Variants in RRP15 observed in about 807,000 individuals in gnomAD.
RRP15 encodes RRP15-like protein.
In RRP15, 18 loss-of-function variants were observed where a neutral mutation model predicts 27.1. The ratio of observed to expected loss-of-function variants is 0.66; its 90% CI spans 0.46 to 0.98. RRP15 has a LOEUF of 0.98. Among genes scored for constraint, RRP15 ranks in the 50% least tolerant of loss-of-function variants. RRP15 has a pLI of 0.00. For missense variants in RRP15, 359 were observed against 337.8 expected (o/e 1.06, Z -0.49); for synonymous variants, 107 against 109.4 (o/e 0.98, Z 0.14).
intron 1 of RRP15, among the ~76,000 whole-genome samples, 191 bp downstream of exon 1, chr1:218,285,646 AT>A (rs1655533875): frequency 6.6e-6 from 1 of 152,218 alleles, no homozygotes. Flanking sequence ...GTCAACTGTA[AT>A]TTTGAGTTTC....
At chr1:218,302,197 TG>T in intron 1 of RRP15, 96 bp from the exon 2 acceptor site, 2 of 868,086 alleles carry the variant, frequency 2.3e-6, no homozygotes, top group Non-Finnish European at 3.7e-6. Context: ...CTTGCAAAAA[TG>T]GGGACAGGCA....
intron 4 of RRP15, among the ~76,000 whole-genome samples, chr1:218,325,004 T>C (rs1282703471): frequency 2.6e-5 from 4 of 152,184 alleles, no homozygotes; most frequent in Non-Finnish European, 4.4e-5. Context: ...TGCTTCACTC[T>C]TGTCATCTGG....
chr1:218,330,019 G>T (rs1046989732), intron 4 of RRP15, among the ~76,000 whole-genome samples: 2 of 151,954 alleles, frequency 1.3e-5, no homozygotes, highest in Non-Finnish European at 2.9e-5. Flanking sequence ...ATGGGTTCTT[G>T]TACCTTAGGT....
chr1:218,285,686 T>C (rs936541661), intron 1 of RRP15, among the ~76,000 whole-genome samples: 12 of 151,746 alleles, frequency 7.9e-5, no homozygotes, highest in African/African-American at 2.7e-4. Flanking sequence ...ATTTTCAGGG[T>C]CACCATTATT....
intron 2 of RRP15, among the ~76,000 whole-genome samples, chr1:218,304,233 T>C (rs1655857642): frequency 6.6e-6 from 1 of 152,238 alleles, no homozygotes; most frequent in Non-Finnish European, 1.5e-5. Context: ...TCTTTATTAC[T>C]GGTTTTGATG....
intron 4 of RRP15, among the ~76,000 whole-genome samples, chr1:218,321,889 C>A (rs1340488457): frequency 6.6e-6 from 1 of 151,182 alleles, no homozygotes; most frequent in Admixed American, 6.6e-5. Context: ...GTGGGTGCTC[C>A]AAGTATTTAA....
rs1655879764 is a variant in RRP15, at chr1:218,305,175, T to TTTTTGTGGTTCTATTAAGCTATCTATTA, written c.503+50_503+51insTTTTGTGGTTCTATTAAGCTATCTATTA. 13 of 1,385,790 alleles carry TTTTTGTGGTTCTATTAAGCTATCTATTA rather than the reference T, an allele frequency of 9.4e-6. No individual in the cohort carries two copies. The South Asian group carries it at 1.4e-4, about 15-fold the overall frequency. 85.8% of individuals were successfully genotyped at this position (1,385,790 alleles called of 1,614,324 possible). A position where few individuals can be genotyped will look rare whatever the true frequency, so the allele number is the denominator to read the frequency against. ...AAAAATAAGTATACTAAAGCTATCA[T>TTTTTGTGGTTCTATTAAGCTATCTATTA]AGTGGTTCTATTTTTGACCCAATTT... On this transcript the variant is annotated intron_variant, in intron 3 of 4. Transcript: ENST00000366932.
At chr1:218,322,354 A>G (rs1211324943) in intron 4 of RRP15, among the ~76,000 whole-genome samples, 2 of 152,222 alleles carry the variant, frequency 1.3e-5, no homozygotes, top group African/African-American at 4.8e-5. Flanking sequence ...AGTTCATAGT[A>G]TACTTATTGT....
At chr1:218,299,182 G>C (rs1655771599) in intron 1 of RRP15, among the ~76,000 whole-genome samples, 1 of 151,938 alleles carries the variant, frequency 6.6e-6, no homozygotes, top group African/African-American at 2.4e-5. Context: ...TCATTACTTT[G>C]GCATTTTTAA....
intron 1 of RRP15, among the ~76,000 whole-genome samples, chr1:218,290,566 C>G (rs371914009): frequency 6.6e-6 from 1 of 152,168 alleles, no homozygotes; most frequent in Non-Finnish European, 1.5e-5. Flanking sequence ...CTGTTAGGCT[C>G]AAGCCATCCT....
rs771748279 is a variant in RRP15 at position 218,302,519 on chromosome 1, A to G, written c.365A>G (p.Lys122Arg). 16 of 1,613,306 alleles carry G rather than the reference A, an allele frequency of 9.9e-6. No individual in the cohort carries two copies. Among genetic ancestry groups the G allele is most frequent in the East Asian group, 6.7e-5 (3 of 44,890 alleles). Residue 122 changes from lysine (K) to arginine (R), a missense_variant, in exon 2 of 5, where the codon AAA becomes AGA. Physicochemically the swap from Lys to Arg is conservative, Grantham distance 26 (BLOSUM62 2). Coordinates refer to ENST00000366932, the MANE Select transcript of RRP15 (RefSeq NM_016052.4). ...AAAAATAAGAAGCTGGAAAAGGAAA[A>G]AGAAAAGTTAAAGCAAGAAAGACTA... ...LVKNKKLEKEKEKLKQERLEK... is the reference protein window; with the variant it reads ...LVKNKKLEKEREKLKQERLEK...
At chr1:218,317,514 T>A (rs1656108511) in intron 4 of RRP15, among the ~76,000 whole-genome samples, 1 of 152,200 alleles carries the variant, frequency 6.6e-6, no homozygotes, top group African/African-American at 2.4e-5. Flanking sequence ...TTCTCAAAAC[T>A]GTTATGTAAG....
rs115794603 is a variant in RRP15, at chr1:218,319,395, G to T, written c.706-11553G>T. Reference sequence around the variant, plus strand: ...GTCTTTTTAAAATGTCATGGACATAGGGATTTTTATTCAGTGTTTACAGTC... The same window carrying T: ...GTCTTTTTAAAATGTCATGGACATATGGATTTTTATTCAGTGTTTACAGTC... On this transcript the variant is annotated intron_variant, in intron 4 of 4. Coordinates refer to ENST00000366932, the MANE Select transcript of RRP15 (RefSeq NM_016052.4). 8.6e-3 allele frequency among the ~76,000 whole-genome samples: 1,316 copies of T among 152,230 alleles called. 21 individuals carry two copies. The highest frequency in any genetic ancestry group is 0.029 in the African/African-American group (1,215 of 41,536).
chr1:218,314,990 C>CAAAAAA (rs76826029), intron 4 of RRP15, among the ~76,000 whole-genome samples: 2 of 61,804 alleles, frequency 3.2e-5, no homozygotes, highest in Admixed American at 1.8e-4. Context: ...GGCTCCATCT[C>CAAAAAA]AAAAAAAAAA....
In RRP15 at chr1:218,337,620, G is replaced by A. The variant is rs1656469517; in HGVS notation, c.*6529G>A. The A allele has an allele frequency of 6.6e-6, 1 of 152,104 alleles. No homozygotes were observed. The highest frequency in any genetic ancestry group is 2.1e-4 in the South Asian group (1 of 4,824). 9.4% of individuals were successfully genotyped at this position (152,104 alleles called of 1,614,324 possible). ...TTTCTTAAATGCCAACAATGCATGA[G>A]GTGAATAGAATAAGACTTTTTTTTA... On this transcript the variant is annotated 3_prime_UTR_variant, in exon 5 of 5. Transcript: ENST00000366932.
chr1:218,296,131 A>G (rs1317089639), intron 1 of RRP15, among the ~76,000 whole-genome samples: 1 of 152,138 alleles, frequency 6.6e-6, no homozygotes, highest in Non-Finnish European at 1.5e-5. Flanking sequence ...TTAGATAGAA[A>G]TTTTTTAAAT....
intron 4 of RRP15, among the ~76,000 whole-genome samples, chr1:218,311,156 C>T (rs1655989843): frequency 6.6e-6 from 1 of 152,132 alleles, no homozygotes; most frequent in South Asian, 2.1e-4. Flanking sequence ...TAACCACTGC[C>T]CTTTTCCATT....
chr1:218,335,706 C>T lies in RRP15; in HGVS notation c.*4615C>T, dbSNP rs1040288313. On this transcript the variant is annotated 3_prime_UTR_variant, in exon 5 of 5. Coordinates refer to ENST00000366932, the MANE Select transcript of RRP15 (RefSeq NM_016052.4). ...AGAGCATCTATCTAGTCTAATGAAACAACAGTGAATTTGGGAATTGTAAAT... is the reference window on the plus strand; with the variant it reads ...AGAGCATCTATCTAGTCTAATGAAATAACAGTGAATTTGGGAATTGTAAAT... 6.6e-6 allele frequency: 1 copy of T among 152,140 alleles called. No individual in the cohort carries two copies. Among genetic ancestry groups the T allele is most frequent in the South Asian group, 2.1e-4 (1 of 4,824 alleles). 9.4% of individuals were successfully genotyped at this position (152,140 alleles called of 1,614,324 possible).
At chr1:218,330,336 A>G (rs1178700863) in intron 4 of RRP15, among the ~76,000 whole-genome samples, 1 of 152,200 alleles carries the variant, frequency 6.6e-6, no homozygotes, top group Non-Finnish European at 1.5e-5. Flanking sequence ...TGCCTGCTTC[A>G]TTTATTTATA....
Sources: allele counts gnomAD v4.1 joint callset (sites outside exome capture counted in the v4.1 genomes callset), GRCh38; gene constraint gnomAD v4.1.1; transcripts MANE v1.5; gene names NCBI Gene and HGNC (gene_info 2026-07-23, HGNC 2026-07-21).